SYNE3: variants seen among roughly 807,000 people sequenced by gnomAD.
SYNE3 encodes spectrin repeat containing nuclear envelope family member 3.
A neutral mutation model predicts 111.2 loss-of-function variants in SYNE3; 100 were observed. That is an observed-to-expected ratio of 0.90 (90% CI 0.77 to 1.06). The LOEUF is 1.06. SYNE3 is among the 50% of genes least tolerant of loss of function. SYNE3 has a pLI of 0.00. For synonymous variants in SYNE3, 547 were observed against 533.9 expected (o/e 1.02, Z -0.34); for missense variants, 1,160 against 1,240.3 (o/e 0.94, Z 0.97).
Position 95,415,298 on chromosome 14 carries a change from C to T in SYNE3, c.*2528G>A, listed in dbSNP as rs1164891118. On this transcript the variant is annotated 3_prime_UTR_variant, in exon 18 of 18. Coordinates refer to ENST00000682763, the MANE Select transcript of SYNE3 (RefSeq NM_152592.6). ...AAGGCCCCCCCACCCACCCACCCTG[C>T]CACTGCTCTGACTTCCAGGACTGGA... is the stretch of plus-strand genomic sequence containing the variant. 1 of 148,022 alleles carries T rather than the reference C, an allele frequency of 6.8e-6. No homozygotes were observed. Among genetic ancestry groups the T allele is most frequent in the Non-Finnish European group, 1.5e-5 (1 of 67,080 alleles). The allele number at this position is 148,022 out of a possible 1,614,324, so 9.2% of individuals were successfully genotyped here.
At chr14:95,449,419 G>C in intron 8 of SYNE3, 1 of 985,312 alleles carries the variant, frequency 1.0e-6, no homozygotes, top group Non-Finnish European at 1.2e-6. Context: ...GGCTCCATCC[G>C]GAGCCAGTTG....
chr14:95,489,584 G>A (rs1007860437), intron 1 of SYNE3, among the ~76,000 whole-genome samples: 7 of 150,842 alleles, frequency 4.6e-5, no homozygotes, highest in Non-Finnish European at 8.8e-5. Context: ...TACCTACCTC[G>A]GTTGGTGCTT....
At chr14:95,481,868 GAT>G (rs143666605) in intron 1 of SYNE3, among the ~76,000 whole-genome samples, 1 of 152,366 alleles carries the variant, frequency 6.6e-6, no homozygotes, top group African/African-American at 2.4e-5. Context: ...GGAAGGAAAG[GAT>G]ACTGGCACCT....
chr14:95,445,944 G>A lies in SYNE3; in HGVS notation c.1597C>T (p.His533Tyr), dbSNP rs778376216. Residue 533 changes from histidine (H) to tyrosine (Y), a missense_variant, in exon 9 of 18, where the codon CAT becomes TAT. By Grantham distance (83) the His-to-Tyr change is moderately conservative. Transcript: ENST00000682763. ...CTTTTCCTCTGCAGGAGGCTGTTAT[G>A]CAGCAGGTCTCTGTCCCTCATGGAA... ...AGSMRDRDLL[H>Y]NSLLQRKSKL... 4 of 1,614,076 alleles carry A rather than the reference G, an allele frequency of 2.5e-6. No individual in the cohort carries two copies. The highest frequency in any genetic ancestry group is 3.3e-5 in the Admixed American group (2 of 60,028).
rs915862745 is a variant in SYNE3, at chr14:95,414,716, C to T, written c.*3110G>A. The T allele has an allele frequency of 6.6e-6, 1 of 152,348 alleles. No homozygotes were observed. The highest frequency in any genetic ancestry group is 1.5e-5 in the Non-Finnish European group (1 of 68,426). The allele number at this position is 152,348 out of a possible 1,614,324, so 9.4% of individuals were successfully genotyped here. On this transcript the variant is annotated 3_prime_UTR_variant, in exon 18 of 18. Transcript: ENST00000682763. ...ACACACACACACACACACACACACACACACACACACACACACGCCACAGCG... is the reference window on the plus strand; with the variant it reads ...ACACACACACACACACACACACACATACACACACACACACACGCCACAGCG...
chr14:95,430,343 C>A (rs1209014761), intron 17 of SYNE3, among the ~76,000 whole-genome samples: 1 of 152,150 alleles, frequency 6.6e-6, no homozygotes, highest in Non-Finnish European at 1.5e-5. Context: ...ACCCACCAGG[C>A]TGGCCTGTGT....
intron 17 of SYNE3, among the ~76,000 whole-genome samples, chr14:95,422,166 C>T (rs749061955): frequency 2.0e-5 from 3 of 152,088 alleles, no homozygotes; most frequent in Admixed American, 6.6e-5. Flanking sequence ...CTCAATACAT[C>T]GGAGGCCACC....
intron 3 of SYNE3, 42 bp from the exon 4 acceptor site, chr14:95,466,282 C>T (rs751511882): frequency 6.6e-7 from 1 of 1,525,646 alleles, no homozygotes; most frequent in Non-Finnish European, 8.8e-7. Context: ...GAACCAGCCA[C>T]CTGCCTCCTG....
At chr14:95,424,896 C>T (rs1184608481) in intron 17 of SYNE3, among the ~76,000 whole-genome samples, 1 of 152,164 alleles carries the variant, frequency 6.6e-6, no homozygotes, top group East Asian at 1.9e-4. Context: ...ACCAGTAAGA[C>T]TGTAAGTGGT....
intron 15 of SYNE3, among the ~76,000 whole-genome samples, chr14:95,433,624 G>A (rs1022114923): frequency 1.3e-5 from 2 of 152,200 alleles, no homozygotes; most frequent in South Asian, 2.1e-4. Context: ...TGCATGGAAC[G>A]GGCAGCTGGG....
At chr14:95,437,214 C>T (rs1186524661) in intron 14 of SYNE3, among the ~76,000 whole-genome samples, 1 of 152,240 alleles carries the variant, frequency 6.6e-6, no homozygotes, top group African/African-American at 2.4e-5. Context: ...CGGAAGCCAC[C>T]ACCATCTCTT....
chr14:95,475,003 G>T (rs904808276), intron 2 of SYNE3, among the ~76,000 whole-genome samples: 8 of 152,256 alleles, frequency 5.3e-5, no homozygotes, highest in Non-Finnish European at 1.2e-4. Flanking sequence ...TTTGACCAAG[G>T]TCACACAGCA....
At chr14:95,495,250 T>A (rs539944842) in intron 1 of SYNE3, among the ~76,000 whole-genome samples, 1 of 152,374 alleles carries the variant, frequency 6.6e-6, no homozygotes, top group African/African-American at 2.4e-5. Flanking sequence ...CAAGAGTGTC[T>A]GTGCCCAGTC....
At chr14:95,453,574 C>T (rs7151678) in intron 6 of SYNE3, among the ~76,000 whole-genome samples, 78,609 of 152,184 alleles carry the variant, frequency 0.52, 20,607 homozygotes, top group Admixed American at 0.65. Context: ...AACATAATGA[C>T]GTCTATGAAA....
chr14:95,430,518 G>A (rs1294046961), intron 17 of SYNE3, among the ~76,000 whole-genome samples: 2 of 152,166 alleles, frequency 1.3e-5, no homozygotes, highest in East Asian at 1.9e-4. Flanking sequence ...AGTAAATAAG[G>A]TTGCCATTAA....
At chr14:95,480,735 G>A (rs1220096464) in intron 1 of SYNE3, among the ~76,000 whole-genome samples, 2 of 151,992 alleles carry the variant, frequency 1.3e-5, no homozygotes, top group Non-Finnish European at 2.9e-5. Flanking sequence ...GGTTGACTCA[G>A]GGATACTGGA....
intron 11 of SYNE3, among the ~76,000 whole-genome samples, chr14:95,442,597 C>T (rs1886469675): frequency 6.6e-6 from 1 of 152,200 alleles, no homozygotes; most frequent in Middle Eastern, 3.2e-3. Flanking sequence ...TGCATTTCCA[C>T]TTGTCCTCAG....
At chr14:95,486,068 G>C (rs1889531772) in intron 1 of SYNE3, among the ~76,000 whole-genome samples, 1 of 152,062 alleles carries the variant, frequency 6.6e-6, no homozygotes, top group Admixed American at 6.5e-5. Context: ...GGAAGCCCTG[G>C]GAAAGCGGCC....
intron 5 of SYNE3, among the ~76,000 whole-genome samples, chr14:95,456,543 A>T (rs188656849): frequency 1.1e-4 from 17 of 152,226 alleles, no homozygotes; most frequent in African/African-American, 4.1e-4. Flanking sequence ...CCCTCTTAGG[A>T]CATTGCCAAA....
Sources: allele counts gnomAD v4.1 joint callset (sites outside exome capture counted in the v4.1 genomes callset), GRCh38; gene constraint gnomAD v4.1.1; transcripts MANE v1.5; gene names NCBI Gene and HGNC (gene_info 2026-07-23, HGNC 2026-07-21).